PLA2G4E: variants seen among roughly 807,000 people sequenced by gnomAD.
The protein encoded by PLA2G4E is phospholipase A2 group IVE.
In PLA2G4E, 84 loss-of-function variants were observed where a neutral mutation model predicts 109.1. The ratio of observed to expected loss-of-function variants is 0.77; its 90% CI spans 0.65 to 0.92. PLA2G4E has a LOEUF of 0.92. PLA2G4E is among the 40% of genes least tolerant of loss of function. PLA2G4E has a pLI of 0.00. For synonymous variants in PLA2G4E, 469 were observed against 436.1 expected (o/e 1.08, Z -0.94); for missense variants, 1,057 against 1,076.6 (o/e 0.98, Z 0.25).
intron 1 of PLA2G4E, chr15:42,050,377 TA>T: frequency 2.0e-6 from 2 of 976,892 alleles, no homozygotes; most frequent in Non-Finnish European, 2.9e-6. Context: ...GGCAGCAGGG[TA>T]AAGGGACTCC....
Position 41,984,380 on chromosome 15 carries a change from G to A in PLA2G4E, c.2386+56C>T, listed in dbSNP as rs1376701598. 8 of 1,527,076 alleles carry A rather than the reference G, an allele frequency of 5.2e-6. No individual in the cohort carries two copies. In the Admixed American group the frequency reaches 1.1e-4, roughly 20 times the overall value. 94.6% of individuals were successfully genotyped at this position (1,527,076 alleles called of 1,614,324 possible). ...CCCTTAGAGACTCTACAGATCTAAA[G>A]GCATTCCCGGGCCAAGGGCAGCAGG... On this transcript the variant is annotated intron_variant, in intron 19 of 19. Coordinates refer to ENST00000399518, the Ensembl canonical transcript of PLA2G4E.
intron 1 of PLA2G4E, among the ~76,000 whole-genome samples, chr15:42,020,670 G>A (rs1055944076): frequency 6.6e-6 from 1 of 152,126 alleles, no homozygotes; most frequent in African/African-American, 2.4e-5. Flanking sequence ...ATGGCCCCAC[G>A]CCACTTCATG....
At chr15:41,990,090 C>T (rs1233337972) in intron 14 of PLA2G4E, 31 bp downstream of exon 14, 1 of 1,587,042 alleles carries the variant, frequency 6.3e-7, no homozygotes, top group Non-Finnish European at 8.6e-7. Context: ...CCCCTCCACC[C>T]CACTTGTAAA....
chr15:42,000,078 CTCCCCCAGTGTCAGCCGCCTTG>C lies in PLA2G4E; in HGVS notation c.852+4_852+25del, dbSNP rs769118272. On this transcript the variant is annotated splice_donor_5th_base_variant and intron_variant, in intron 8 of 19. Transcript: ENST00000399518. ...CCCCACCTGTCCCAGTCCCCCACAC[CTCCCCCAGTGTCAGCCGCCTTG>C]TACCCCACAGCTCCAGTGACTCTTG... The C allele has an allele frequency of 6.8e-5, 107 of 1,576,812 alleles. No homozygotes were observed. The highest frequency in any genetic ancestry group is 9.2e-5 in the Admixed American group (5 of 54,642).
At chr15:42,029,889 C>T (rs1340261443) in intron 1 of PLA2G4E, among the ~76,000 whole-genome samples, 1 of 152,196 alleles carries the variant, frequency 6.6e-6, no homozygotes, top group East Asian at 1.9e-4. Flanking sequence ...CCAAGGACCT[C>T]CCAATTTAAG....
At chr15:42,023,647 C>T (rs1309504889) in intron 1 of PLA2G4E, among the ~76,000 whole-genome samples, 1 of 152,012 alleles carries the variant, frequency 6.6e-6, no homozygotes, top group Non-Finnish European at 1.5e-5. Context: ...TCATGGGGTC[C>T]CATCTGTCTC....
In PLA2G4E at chr15:42,025,232, G is replaced by GA. The variant is rs60023637; in HGVS notation, c.184-11476dup. Among the ~76,000 whole-genome samples, 104 of 151,278 alleles carry GA rather than the reference G, an allele frequency of 6.9e-4. No individual in the cohort carries two copies. In the East Asian group the frequency reaches 0.016, roughly 23 times the overall value. On this transcript the variant is annotated intron_variant, in intron 1 of 19. Transcript: ENST00000399518. ...AAAAAAAAAGGAAAAGAAAAGAAAA[G>GA]AAAGAAAGAGGAAAGAAACATGAAA... is the stretch of plus-strand genomic sequence containing the variant.
chr15:42,031,043 C>T (rs531702557), intron 1 of PLA2G4E, among the ~76,000 whole-genome samples: 1 of 152,286 alleles, frequency 6.6e-6, no homozygotes, highest in East Asian at 1.9e-4. Flanking sequence ...TCAGGGCTCA[C>T]TGCAGCCTTG....
chr15:42,041,575 C>G (rs1889317493), intron 1 of PLA2G4E, among the ~76,000 whole-genome samples: 1 of 152,108 alleles, frequency 6.6e-6, no homozygotes, highest in Non-Finnish European at 1.5e-5. Context: ...AGAGACCTCC[C>G]CAGGAGACCC....
At chr15:42,022,852 GAACT>G (rs2068660209) in intron 1 of PLA2G4E, among the ~76,000 whole-genome samples, 1 of 152,186 alleles carries the variant, frequency 6.6e-6, no homozygotes, top group African/African-American at 2.4e-5. Flanking sequence ...ACACAACTAA[GAACT>G]GGCTAGGGAA....
At chr15:41,982,665 A>G (rs985456983) in exon 20 of PLA2G4E, 20 of 152,390 alleles carry the variant, frequency 1.3e-4, no homozygotes, top group African/African-American at 4.8e-4. Flanking sequence ...CCTGGCCCCC[A>G]ACCTCATTTA....
At chr15:42,010,136 C>CCCA (rs748654018) in intron 2 of PLA2G4E, 2 of 471,428 alleles carry the variant, frequency 4.2e-6, no homozygotes, top group Non-Finnish European at 8.5e-6. Context: ...ACACTGGCCC[C>CCCA]CCCACCCCGG....
At chr15:41,999,385 G>T in intron 10 of PLA2G4E, 139 bp downstream of exon 10, 1 of 638,896 alleles carries the variant, frequency 1.6e-6, no homozygotes, top group South Asian at 2.0e-5. Flanking sequence ...CAAAGAAGAT[G>T]ATATGCCAGC....
At chr15:41,987,400 G>T (rs28438985) in intron 16 of PLA2G4E, 25 bp from the exon 17 acceptor site, 1 of 1,587,446 alleles carries the variant, frequency 6.3e-7, no homozygotes, top group Non-Finnish European at 8.6e-7. Context: ...GGGATGAAGG[G>T]CAGGTCATGA....
chr15:42,013,836 T>C, intron 1 of PLA2G4E, 79 bp from the exon 2 acceptor site: 2 of 1,202,448 alleles, frequency 1.7e-6, no homozygotes, highest in Admixed American at 4.2e-5. Flanking sequence ...TTTCCCGCTA[T>C]GCCTCCTCAG....
At chr15:42,021,859 C>T (rs774136334) in intron 1 of PLA2G4E, among the ~76,000 whole-genome samples, 97 of 152,272 alleles carry the variant, frequency 6.4e-4, no homozygotes, top group South Asian at 1.2e-3. Context: ...GATAGAAGTG[C>T]TTTTTTGAAA....
intron 1 of PLA2G4E, among the ~76,000 whole-genome samples, chr15:42,016,868 G>C (rs2068600484): frequency 6.6e-6 from 1 of 152,236 alleles, no homozygotes; most frequent in African/African-American, 2.4e-5. Flanking sequence ...GGGAGCCGGA[G>C]ACTTGGGCCA....
intron 1 of PLA2G4E, among the ~76,000 whole-genome samples, chr15:42,022,597 C>A (rs1191418340): frequency 6.6e-6 from 1 of 151,862 alleles, no homozygotes; most frequent in Non-Finnish European, 1.5e-5. Flanking sequence ...CAACCTAGAT[C>A]CCTCGAGTAT....
At chr15:41,991,114 A>G (rs2068240802) in intron 13 of PLA2G4E, among the ~76,000 whole-genome samples, 1 of 152,192 alleles carries the variant, frequency 6.6e-6, no homozygotes, top group Admixed American at 6.5e-5. Context: ...CTGGAAGTAA[A>G]GCTGCAGGCT....
Sources: gnomAD v4.1 joint callset for allele counts (sites outside exome capture counted in the v4.1 genomes callset) on GRCh38, gnomAD v4.1.1 for gene constraint, MANE v1.5 for transcripts, NCBI Gene and HGNC (gene_info 2026-07-23, HGNC 2026-07-21) for gene names.